VLDLR: variants seen among roughly 807,000 people sequenced by gnomAD.
The protein encoded by VLDLR is very low density lipoprotein receptor.
VLDLR carries 81 observed loss-of-function variants against 112.7 expected under a neutral mutation model. That is an observed-to-expected ratio of 0.72 (90% CI 0.60 to 0.86). VLDLR has a LOEUF of 0.86. VLDLR is among the 40% of genes least tolerant of loss of function. The pLI is 0.00. For missense variants in VLDLR, 1,237 were observed against 1,099.4 expected (o/e 1.13, Z -1.77); for synonymous variants, 436 against 384.8 (o/e 1.13, Z -1.56).
At position 2,646,484 on chromosome 9, in the gene VLDLR, C is replaced by G; in HGVS notation, c.1635C>G (p.Thr545=). The G allele has an allele frequency of 6.2e-7, 1 of 1,614,108 alleles. No individual in the cohort carries two copies. The highest frequency in any genetic ancestry group is 8.5e-7 in the Non-Finnish European group (1 of 1,180,016). Residue 545 remains threonine, a synonymous_variant, in exon 11 of 19, where the codon ACC becomes ACG. Transcript: ENST00000382100. ...KTISVATLDG[T]KRKFLFNSDL... ...TTTCAGTAGCTACCCTAGATGGAAC[C>G]AAGAGGAAGTTCCTGTTTAACTCTG... is the stretch of plus-strand genomic sequence containing the variant.
chr9:2,645,149 A>G (rs992674968), intron 9 of VLDLR, 67 bp downstream of exon 9: 10 of 1,608,218 alleles, frequency 6.2e-6, no homozygotes, highest in South Asian at 5.5e-5. Context: ...AGGTACAGCC[A>G]GTGACTACAA....
At position 2,631,638 on chromosome 9, in the gene VLDLR, A is replaced by G. The variant is rs527864002; in HGVS notation, c.83-3815A>G. 6.6e-5 allele frequency among the ~76,000 whole-genome samples: 10 copies of G among 152,258 alleles called. No homozygotes were observed. In the East Asian group the frequency reaches 1.2e-3, roughly 18 times the overall value. On this transcript the variant is annotated intron_variant, in intron 1 of 18. Coordinates refer to ENST00000382100, the MANE Select transcript of VLDLR (RefSeq NM_003383.5). Reference sequence around the variant, plus strand: ...TTCATTCCATGGAGGTAGATGGTAGAAAGATGACAGAGACTCAGAAGTAGG... The same window carrying G: ...TTCATTCCATGGAGGTAGATGGTAGGAAGATGACAGAGACTCAGAAGTAGG...
chr9:2,653,695 T>C, intron 18 of VLDLR, 138 bp from the exon 19 acceptor site: 1 of 867,312 alleles, frequency 1.2e-6, no homozygotes, highest in Non-Finnish European at 2.0e-6. Context: ...CTCAGTATTC[T>C]TTTGTATCTG....
intron 15 of VLDLR, among the ~76,000 whole-genome samples, chr9:2,650,912 TAGGCTG>T (rs761304878): frequency 4.9e-4 from 74 of 152,274 alleles, no homozygotes; most frequent in Non-Finnish European, 5.4e-4. Flanking sequence ...AAATAACACT[TAGGCTG>T]AATTTGCATT....
intron 3 of VLDLR, among the ~76,000 whole-genome samples, chr9:2,640,610 G>C (rs1817782720): frequency 6.6e-6 from 1 of 152,202 alleles, no homozygotes. Flanking sequence ...TCACACGAAT[G>C]TCAAGGCAAA....
chr9:2,649,418 C>G lies in VLDLR; in HGVS notation c.2104+608C>G, dbSNP rs568787036. 2.0e-4 allele frequency among the ~76,000 whole-genome samples: 30 copies of G among 152,166 alleles called. No homozygotes were observed. The South Asian group carries it at 4.4e-3, about 22-fold the overall frequency. ...TCTTTTTCTGTTTTTTGGAGACTGA[C>G]TCTTGCTCTGTCACCCAGGCTGGAG... On this transcript the variant is annotated intron_variant, in intron 14 of 18. Transcript: ENST00000382100.
intron 1 of VLDLR, among the ~76,000 whole-genome samples, chr9:2,628,125 C>T (rs957089122): frequency 2.8e-4 from 43 of 152,164 alleles, no homozygotes; most frequent in Admixed American, 1.8e-3. Flanking sequence ...TATAGGATGT[C>T]AGGCACCAGG....
In VLDLR at chr9:2,651,494, T is replaced by C. The variant is rs1818333165; in HGVS notation, c.2331T>C (p.Pro777=). Residue 777 remains proline, a synonymous_variant, in exon 16 of 19, where the codon CCT becomes CCC. Coordinates refer to ENST00000382100, the MANE Select transcript of VLDLR (RefSeq NM_003383.5). ...TTTCAGCAACTAGTGGACTAGTTCC[T>C]GGAGGTATTGAGTTCAGTACTGCAA... The part of the protein sequence containing the change: ...TEISATSGLV[P]GGINVTTAVS... 1.2e-6 allele frequency: 2 copies of C among 1,613,516 alleles called. No individual in the cohort carries two copies. Among genetic ancestry groups the C allele is most frequent in the Non-Finnish European group, 1.7e-6 (2 of 1,179,602 alleles).
intron 7 of VLDLR, 78 bp downstream of exon 7, chr9:2,644,037 CG>C: frequency 6.2e-7 from 1 of 1,603,276 alleles, no homozygotes; most frequent in Non-Finnish European, 8.5e-7. Flanking sequence ...GTGGACCCCC[CG>C]TGATGGCTAG....
chr9:2,623,253 C>T (rs34675329), intron 1 of VLDLR, among the ~76,000 whole-genome samples: 6,770 of 152,304 alleles, frequency 0.044, 505 homozygotes, highest in African/African-American at 0.15. Context: ...GGTCGTCAGC[C>T]ACGTTCCCAC....
chr9:2,625,340 T>G (rs1817042383), intron 1 of VLDLR, among the ~76,000 whole-genome samples: 1 of 152,248 alleles, frequency 6.6e-6, no homozygotes, highest in South Asian at 2.1e-4. Flanking sequence ...ATCCCAAACC[T>G]TGAAGACTTG....
intron 1 of VLDLR, among the ~76,000 whole-genome samples, chr9:2,629,438 A>G (rs932760777): frequency 7.2e-5 from 11 of 152,224 alleles, no homozygotes; most frequent in Admixed American, 5.9e-4. Context: ...GCTTAGTAAC[A>G]CAGTATCTAG....
chr9:2,648,703 C>G lies in VLDLR; in HGVS notation c.1997C>G (p.Ala666Gly). Residue 666 changes from alanine to glycine, a missense_variant, in exon 14 of 19, where the codon GCA (alanine) becomes GGA (glycine). Physicochemically the swap from Ala to Gly is moderately conservative, Grantham distance 60. Transcript: ENST00000382100. ...TACTGGATAGATGGGGAAAATGAAG[C>G]AGTCTATGGTGCCAATAAATTCACT... ...RVYWIDGENE[A>G]VYGANKFTGS... The G allele has an allele frequency of 6.2e-7, 1 of 1,614,132 alleles. No individual in the cohort carries two copies. Among genetic ancestry groups the G allele is most frequent in the Non-Finnish European group, 8.5e-7 (1 of 1,180,026 alleles).
At chr9:2,651,728 C>A in intron 16 of VLDLR, 146 bp from the exon 17 acceptor site, 2 of 949,858 alleles carry the variant, frequency 2.1e-6, no homozygotes, top group Non-Finnish European at 1.6e-6. Context: ...TCAAATACTT[C>A]TAAGCCAGAG....
intron 15 of VLDLR, 141 bp downstream of exon 15, chr9:2,650,657 A>G (rs559102944): frequency 3.5e-5 from 44 of 1,258,128 alleles, no homozygotes; most frequent in Non-Finnish European, 4.6e-5. Flanking sequence ...ATGCCGGGTT[A>G]TCATGTCATT....
At chr9:2,635,356 T>G (rs753633174) in intron 1 of VLDLR, 97 bp from the exon 2 acceptor site, 17 of 1,589,624 alleles carry the variant, frequency 1.1e-5, no homozygotes, top group Non-Finnish European at 1.5e-5. Flanking sequence ...CTGCCGAGTC[T>G]GCAGTATCCT....
intron 14 of VLDLR, among the ~76,000 whole-genome samples, chr9:2,649,178 A>AG (rs1818201670): frequency 6.6e-5 from 10 of 152,136 alleles, no homozygotes; most frequent in African/African-American, 2.2e-4. Context: ...ATGAAGTACC[A>AG]CAGACTATCT....
chr9:2,623,178 G>A (rs1816914344), intron 1 of VLDLR, among the ~76,000 whole-genome samples: 1 of 152,204 alleles, frequency 6.6e-6, no homozygotes, highest in Non-Finnish European at 1.5e-5. Flanking sequence ...TGTCTTGTTG[G>A]GAAGGGCGGC....
intron 17 of VLDLR, 84 bp downstream of exon 17, chr9:2,652,038 T>C: frequency 7.9e-7 from 1 of 1,262,052 alleles, no homozygotes; most frequent in Non-Finnish European, 1.1e-6. Context: ...GCTACCCCTT[T>C]CATGGGCCTT....
Sources: allele counts gnomAD v4.1 joint callset (sites outside exome capture counted in the v4.1 genomes callset), GRCh38; gene constraint gnomAD v4.1.1; transcripts MANE v1.5; gene names NCBI Gene and HGNC (gene_info 2026-07-23, HGNC 2026-07-21).